Variants in NOTCH3 observed in about 807,000 individuals in gnomAD.
The protein encoded by NOTCH3 is neurogenic locus notch homolog protein 3.
NOTCH3 carries 86 observed loss-of-function variants against 213.3 expected under a neutral mutation model. The observed-to-expected ratio is 0.40, with a 90% CI of 0.34 to 0.48. The LOEUF is 0.48. NOTCH3 is among the 20% of genes least tolerant of loss of function. The pLI, the probability that NOTCH3 is intolerant of heterozygous loss-of-function variation, is 0.57. For synonymous variants in NOTCH3, 1,354 were observed against 1,355.9 expected (o/e 1.00, Z 0.03); for missense variants, 2,783 against 3,272.6 (o/e 0.85, Z 3.65).
chr19:15,167,283 A>T lies in NOTCH3; in HGVS notation c.5328T>A (p.Asp1776Glu). The change falls in exon 29 of 33, where the codon GAT becomes GAA. Residue 1776 changes from aspartate to glutamate, a missense_variant. Asp to Glu is a conservative substitution (Grantham distance 45). Around this residue, in one of 6 missense-constraint regions of NOTCH3, gnomAD observed 636 missense variants for 801.8 expected, o/e 0.79. Coordinates refer to ENST00000263388, the MANE Select transcript of NOTCH3 (RefSeq NM_000435.3). ...MALTPPQGDA[D>E]ADGMDVNVRG... Reference sequence around the variant, plus strand: ...GCACATTGACATCCATGCCATCAGCATCTGCGTCGCCCTGTGGTGGTGTCA... The same window carrying T: ...GCACATTGACATCCATGCCATCAGCTTCTGCGTCGCCCTGTGGTGGTGTCA... 1.9e-6 allele frequency: 3 copies of T among 1,613,544 alleles called. No individual in the cohort carries two copies. Among genetic ancestry groups the T allele is most frequent in the Non-Finnish European group, 2.5e-6 (3 of 1,179,702 alleles).
At chr19:15,164,196 G>A (rs1318532214) in intron 31 of NOTCH3, among the ~76,000 whole-genome samples, 1 of 150,818 alleles carries the variant, frequency 6.6e-6, no homozygotes, top group Non-Finnish European at 1.5e-5. Flanking sequence ...GAATTGTATG[G>A]CATGTTAATT....
chr19:15,177,986 G>A lies in NOTCH3; in HGVS notation c.3942C>T (p.Ala1314=). The stretch of plus-strand genomic sequence containing the variant: ...AGGGTCCCGACAACCCTGGGGGGCA[G>A]GCGCAGCGCGGCCCGCGGGGCGTCT... ...CQQTPRGPRC[A]CPPGLSGPSC... is the part of the protein sequence containing the mutation. Residue 1314 remains alanine, a synonymous_variant, in exon 24 of 33, where the codon GCC becomes GCT. Transcript: ENST00000263388. The A allele has an allele frequency of 7.0e-7, 1 of 1,435,102 alleles. No homozygotes were observed. The allele number at this position is 1,435,102 out of a possible 1,614,324, so 88.9% of individuals were successfully genotyped here.
In NOTCH3 at chr19:15,170,533, C is replaced by G. The variant is rs2046723558; in HGVS notation, c.4912G>C (p.Glu1638Gln). The change falls in exon 27 of 33, where the codon GAA (glutamate) becomes CAA (glutamine). Residue 1638 changes from glutamate (E) to glutamine (Q), a missense_variant. Around this residue, in one of 6 missense-constraint regions of NOTCH3, gnomAD observed 636 missense variants for 801.8 expected, o/e 0.79. Transcript: ENST00000263388. The stretch of plus-strand genomic sequence containing the variant: ...AGTGGCAGCAGCGGGACGCTGGGTT[C>G]TGGAGGCTCCAGCGGCTCCCCTAAG... ...DVRGEPLEPP[E>Q]PSVPLLPLLV... 6.2e-7 allele frequency: 1 copy of G among 1,609,778 alleles called. No homozygotes were observed. The highest frequency in any genetic ancestry group is 1.7e-5 in the Admixed American group (1 of 59,990).
chr19:15,188,378 G>A (rs371648553), intron 8 of NOTCH3, 30 bp from the exon 9 acceptor site: 1 of 1,427,050 alleles, frequency 7.0e-7, no homozygotes, highest in Non-Finnish European at 9.8e-7. Flanking sequence ...TTAGGAAAGC[G>A]GGGGCTACCC....
Position 15,185,464 on chromosome 19 carries a change from C to T in NOTCH3, c.2144+23G>A, listed in dbSNP as rs1164205168. On this transcript the variant is annotated intron_variant, in intron 13 of 32. Transcript: ENST00000263388. This position sits in a 1 kb window ranked among gnomAD's most constrained non-coding sequence, Gnocchi z 4.2. ...GTGGGCCAGGGAGAGGGGGCAGTGT[C>T]TGAGGCTGAGAAGGGCCCTCACCCG... is the stretch of plus-strand genomic sequence containing the variant. 1 of 1,612,714 alleles carries T rather than the reference C, an allele frequency of 6.2e-7. No individual in the cohort carries two copies. The highest frequency in any genetic ancestry group is 1.3e-5 in the African/African-American group (1 of 74,946).
chr19:15,161,847 G>C, intron 32 of NOTCH3, 133 bp from the exon 33 acceptor site: 4 of 733,206 alleles, frequency 5.5e-6, no homozygotes, highest in Non-Finnish European at 6.6e-6. Flanking sequence ...AATCCCGGCT[G>C]TGCTGGGGGA....
rs2145441961 is a variant in NOTCH3 at position 15,192,147 on chromosome 19, C to G, written c.492G>C (p.Val164=). ...SCRSDVDECR[V]GEPCRHGGTC... ...TGCCACCATGGCGGCAGGGCTCACC[C>G]ACCCGGCACTCATCCACGTCGCTTC... The change falls in exon 4 of 33, where the codon GTG becomes GTC. Residue 164 remains valine (V), a synonymous_variant. Coordinates refer to ENST00000263388, the MANE Select transcript of NOTCH3 (RefSeq NM_000435.3). 1 of 1,612,964 alleles carries G rather than the reference C, an allele frequency of 6.2e-7. No homozygotes were observed. The highest frequency in any genetic ancestry group is 8.5e-7 in the Non-Finnish European group (1 of 1,179,998).
At position 15,181,788 on chromosome 19, in the gene NOTCH3, G is replaced by T; in HGVS notation, c.2580C>A (p.Asn860Lys). Residue 860 changes from asparagine to lysine, a missense_variant, in exon 17 of 33, where the codon AAC (asparagine) becomes AAA (lysine). Transcript: ENST00000263388. ...CCACGCCGTCTTGGCACGAGCCACCGTTCAGGCATGGGTCTGCGGACAGGA... is the reference window on the plus strand; with the variant it reads ...CCACGCCGTCTTGGCACGAGCCACCTTTCAGGCATGGGTCTGCGGACAGGA... ...INDCDPNPCL[N>K]GGSCQDGVGS... 1 of 1,559,234 alleles carries T rather than the reference G, an allele frequency of 6.4e-7. No homozygotes were observed. Among genetic ancestry groups the T allele is most frequent in the East Asian group, 2.4e-5 (1 of 41,808 alleles).
intron 2 of NOTCH3, among the ~76,000 whole-genome samples, chr19:15,195,716 G>A (rs2145448603): frequency 6.6e-6 from 1 of 151,852 alleles, no homozygotes; most frequent in African/African-American, 2.4e-5. Flanking sequence ...CCCCGACCGC[G>A]CGTCGGGAGG....
rs140642726 is a variant in NOTCH3, at chr19:15,179,452, G to A, written c.3372C>T (p.Asp1124=). The A allele has an allele frequency of 2.7e-5, 43 of 1,614,084 alleles. No homozygotes were observed. The South Asian group carries it at 2.9e-4, about 11-fold the overall frequency. The part of the protein sequence containing the change: ...YNGDNCEDDV[D]ECASQPCQHG... The stretch of plus-strand genomic sequence containing the variant: ...GCTGGCAGGGCTGGGAGGCACACTC[G>A]TCCACGTCGTCCTCACAGTTATCAC... Residue 1124 remains aspartate, a synonymous_variant, in exon 21 of 33, where the codon GAC becomes GAT. Transcript: ENST00000263388.
chr19:15,178,186 A>C, intron 23 of NOTCH3, 96 bp from the exon 24 acceptor site: 1 of 709,404 alleles, frequency 1.4e-6, no homozygotes, highest in Non-Finnish European at 2.3e-6. Flanking sequence ...AGAAGAGTCA[A>C]GGGGAGAGAG....
chr19:15,178,135 G>A lies in NOTCH3; in HGVS notation c.3838-45C>T, dbSNP rs981827849. On this transcript the variant is annotated intron_variant, in intron 23 of 32. Coordinates refer to ENST00000263388, the MANE Select transcript of NOTCH3 (RefSeq NM_000435.3). ...AGGGAGGGATAAAAATGAGGGTGGG[G>A]AGTGGAGGGAAGGAGGAGAAGAAAT... 12 of 1,230,312 alleles carry A rather than the reference G, an allele frequency of 9.8e-6. No homozygotes were observed. The African/African-American group carries it at 1.7e-4, about 17-fold the overall frequency. 76.2% of individuals were successfully genotyped at this position (1,230,312 alleles called of 1,614,324 possible).
intron 1 of NOTCH3, 131 bp downstream of exon 1, chr19:15,200,657 C>A (rs2047004916): frequency 4.7e-6 from 3 of 632,698 alleles, no homozygotes; most frequent in Non-Finnish European, 6.4e-6. Context: ...TGGCATGAAG[C>A]CCGGGGCTCC....
chr19:15,191,658 C>G lies in NOTCH3; in HGVS notation c.803-1G>C. 1 of 1,613,656 alleles carries G rather than the reference C, an allele frequency of 6.2e-7. No homozygotes were observed. The highest frequency in any genetic ancestry group is 8.5e-7 in the Non-Finnish European group (1 of 1,180,010). On this transcript the variant is annotated splice_acceptor_variant, in intron 5 of 32. Transcript: ENST00000263388. LOFTEE classifies it high-confidence loss of function. Reference sequence around the variant, plus strand: ...TCCACGTCCTCCGTGCAGAACTGGCCTGTGGCACACAGATGCAGCAGTCCA... The same window carrying G: ...TCCACGTCCTCCGTGCAGAACTGGCGTGTGGCACACAGATGCAGCAGTCCA...
chr19:15,179,326 C>G (rs1193645495), intron 21 of NOTCH3, 38 bp downstream of exon 21: 3 of 1,611,016 alleles, frequency 1.9e-6, no homozygotes, highest in South Asian at 1.1e-5. Flanking sequence ...ATGAAGACAG[C>G]CTCTCATCCT....
Position 15,174,276 on chromosome 19 carries a change from G to C in NOTCH3, c.4528C>G (p.Arg1510Gly). The change falls in exon 25 of 33, where the codon CGC becomes GGC. Residue 1510 changes from arginine to glycine, a missense_variant. By Grantham distance (125) the Arg-to-Gly change is moderately radical (BLOSUM62 -2). Transcript: ENST00000263388. ...CASEVPALLA[R>G]GVLVLTVLLP... ...AGCACTGTGAGCACCAGCACGCCGC[G>C]GGCCAGCAGGGCCGGCACCTCGCTG... The C allele has an allele frequency of 6.4e-7, 1 of 1,563,816 alleles. No homozygotes were observed. Among genetic ancestry groups the C allele is most frequent in the Non-Finnish European group, 8.6e-7 (1 of 1,156,902 alleles).
At chr19:15,186,183 C>T (rs1021598326) in intron 12 of NOTCH3, among the ~76,000 whole-genome samples, 6 of 152,084 alleles carry the variant, frequency 3.9e-5, no homozygotes, top group Non-Finnish European at 7.4e-5. Flanking sequence ...AGGCTAGTCT[C>T]GAACTCCTGG....
chr19:15,171,539 G>A (rs776494837), intron 25 of NOTCH3, among the ~76,000 whole-genome samples: 44 of 151,960 alleles, frequency 2.9e-4, no homozygotes, highest in Middle Eastern at 3.4e-3. Context: ...GTTGGGGGTG[G>A]AGGCATAGAG....
Position 15,160,375 on chromosome 19 carries a change from G to T in NOTCH3, c.*287C>A. 1 of 465,748 alleles carries T rather than the reference G, an allele frequency of 2.1e-6. No individual in the cohort carries two copies. The highest frequency in any genetic ancestry group is 3.3e-5 in the South Asian group (1 of 30,062). 28.9% of individuals were successfully genotyped at this position (465,748 alleles called of 1,614,324 possible). A position where few individuals can be genotyped will look rare whatever the true frequency, so the allele number is the denominator to read the frequency against. ...CAGAGTGTAAGGAAATGAGAGGCCA[G>T]AAGGAGAGAGAAAGGAATGAGGGAA... On this transcript the variant is annotated 3_prime_UTR_variant, in exon 33 of 33. Coordinates refer to ENST00000263388, the MANE Select transcript of NOTCH3 (RefSeq NM_000435.3).
Sources: gnomAD v4.1 joint callset for allele counts (sites outside exome capture counted in the v4.1 genomes callset) on GRCh38, gnomAD v4.1.1 for gene constraint, gnomAD v4.1.1 regional missense constraint, Gnocchi (gnomAD v3.1) non-coding constraint, MANE v1.5 for transcripts, NCBI Gene and HGNC (gene_info 2026-07-23, HGNC 2026-07-21) for gene names.